Variants in CREB5 observed in about 807,000 individuals in gnomAD.
The protein encoded by CREB5 is cAMP responsive element binding protein 5.
CREB5 carries 19 observed loss-of-function variants against 57.1 expected under a neutral mutation model. The observed-to-expected ratio is 0.33, with a 90% CI of 0.23 to 0.49. CREB5 has a LOEUF of 0.49. Among genes scored for constraint, CREB5 ranks in the 20% least tolerant of loss-of-function variants. The pLI is 0.99. For synonymous variants in CREB5, 238 were observed against 238.3 expected (o/e 1.00, Z 0.01); for missense variants, 579 against 671.6 (o/e 0.86, Z 1.52).
chr7:28,783,686 G>A (rs144229096), intron 7 of CREB5, among the ~76,000 whole-genome samples: 34 of 152,222 alleles, frequency 2.2e-4, no homozygotes, highest in Non-Finnish European at 4.3e-4. Flanking sequence ...AGGGGCCTTG[G>A]GGGGAGACCT....
chr7:28,556,147 C>T (rs759526919), intron 4 of CREB5, among the ~76,000 whole-genome samples: 5 of 152,178 alleles, frequency 3.3e-5, no homozygotes, highest in Admixed American at 2.6e-4. Flanking sequence ...TCACTTTCCT[C>T]CTGCTCAGTA....
chr7:28,467,439 T>C (rs1790636291), intron 1 of CREB5, among the ~76,000 whole-genome samples: 1 of 152,180 alleles, frequency 6.6e-6, no homozygotes, highest in Non-Finnish European at 1.5e-5. Context: ...AAAGATGTAA[T>C]ACTTCACAGG....
chr7:28,386,250 A>G (rs918632898), intron 1 of CREB5, among the ~76,000 whole-genome samples: 1 of 152,124 alleles, frequency 6.6e-6, no homozygotes, highest in Non-Finnish European at 1.5e-5. Context: ...CTGGCAGTAA[A>G]TGGACTCAGT....
intron 5 of CREB5, among the ~76,000 whole-genome samples, chr7:28,583,086 G>A (rs17156874): frequency 0.13 from 20,452 of 152,086 alleles, 1,806 homozygotes; most frequent in East Asian, 0.32. Flanking sequence ...GGTGGGCAGG[G>A]CTCCCCATTT....
chr7:28,663,724 G>A (rs10243376), intron 5 of CREB5, among the ~76,000 whole-genome samples: 51,019 of 152,094 alleles, frequency 0.34, 8,908 homozygotes, highest in Middle Eastern at 0.47. Flanking sequence ...TAATGTTTGT[G>A]ATCTGTAATA....
chr7:28,530,515 C>T (rs1265967367), intron 4 of CREB5, among the ~76,000 whole-genome samples: 1 of 152,160 alleles, frequency 6.6e-6, no homozygotes, highest in Non-Finnish European at 1.5e-5. Context: ...CCATAAAAAG[C>T]TGCCTTTGGG....
At chr7:28,435,894 G>T (rs1347182727) in intron 1 of CREB5, among the ~76,000 whole-genome samples, 1 of 152,038 alleles carries the variant, frequency 6.6e-6, no homozygotes, top group East Asian at 1.9e-4. Context: ...ACCAGAAAGG[G>T]GTGAGTAATA....
intron 5 of CREB5, among the ~76,000 whole-genome samples, chr7:28,687,236 G>A (rs2128727851): frequency 6.6e-6 from 1 of 152,136 alleles, no homozygotes; most frequent in South Asian, 2.1e-4. Flanking sequence ...TTAATCCGGT[G>A]CTATCTTTAA....
chr7:28,432,229 C>A (rs1788746733), intron 1 of CREB5, among the ~76,000 whole-genome samples: 1 of 152,136 alleles, frequency 6.6e-6, no homozygotes, highest in African/African-American at 2.4e-5. Context: ...GCATCTGGAA[C>A]AAGGTCCTTG....
intron 1 of CREB5, among the ~76,000 whole-genome samples, chr7:28,353,193 G>A (rs1786269002): frequency 6.6e-6 from 1 of 152,160 alleles, no homozygotes; most frequent in Non-Finnish European, 1.5e-5. Flanking sequence ...AGGTTCAAGT[G>A]ATTGTCCTGC....
chr7:28,632,662 T>C (rs911866126), intron 5 of CREB5, among the ~76,000 whole-genome samples: 1 of 152,208 alleles, frequency 6.6e-6, no homozygotes, highest in Non-Finnish European at 1.5e-5. Flanking sequence ...ACTTAACTTA[T>C]GCTTAGTGTT....
At chr7:28,347,868 C>A (rs889782807) in intron 1 of CREB5, among the ~76,000 whole-genome samples, 2 of 152,158 alleles carry the variant, frequency 1.3e-5, no homozygotes, top group African/African-American at 4.8e-5. Context: ...GGAGCACATT[C>A]GAATTCCCTA....
At chr7:28,349,472 G>A (rs773583042) in intron 1 of CREB5, among the ~76,000 whole-genome samples, 1 of 151,848 alleles carries the variant, frequency 6.6e-6, no homozygotes, top group Non-Finnish European at 1.5e-5. Flanking sequence ...TGGGAAAAGG[G>A]AAAGAGGGGA....
At chr7:28,491,773 A>G (rs1369486687) in intron 2 of CREB5, among the ~76,000 whole-genome samples, 4 of 152,164 alleles carry the variant, frequency 2.6e-5, no homozygotes, top group African/African-American at 9.7e-5. Context: ...AGTCAAGCCA[A>G]TTGTTGTGGC....
intron 5 of CREB5, among the ~76,000 whole-genome samples, chr7:28,641,964 G>T (rs769252337): frequency 5.3e-5 from 8 of 152,194 alleles, no homozygotes; most frequent in Non-Finnish European, 1.0e-4. Flanking sequence ...GTGTGTGCAC[G>T]TGTTCCTGGG....
Position 28,523,371 on chromosome 7 carries a change from A to G in CREB5, c.291+15634A>G, listed in dbSNP as rs182665492. ...ACTCCCATTATGTTCTCCCAATTCAATCGAAAAACGTTTATTGAGGTCTTA... is the reference window on the plus strand; with the variant it reads ...ACTCCCATTATGTTCTCCCAATTCAGTCGAAAAACGTTTATTGAGGTCTTA... On this transcript the variant is annotated intron_variant, in intron 4 of 10. Coordinates refer to ENST00000357727, the MANE Select transcript of CREB5 (RefSeq NM_182898.4). 2.6e-5 allele frequency among the ~76,000 whole-genome samples: 4 copies of G among 152,270 alleles called. No homozygotes were observed. In the East Asian group the frequency reaches 5.8e-4, roughly 22 times the overall value.
intron 1 of CREB5, among the ~76,000 whole-genome samples, chr7:28,312,153 C>T (rs1434343773): frequency 1.3e-5 from 2 of 150,620 alleles, no homozygotes; most frequent in Non-Finnish European, 2.9e-5. Flanking sequence ...ATTTTAATTT[C>T]ATTTCATTTT....
At chr7:28,467,746 T>C (rs1268387347) in intron 1 of CREB5, among the ~76,000 whole-genome samples, 1 of 152,146 alleles carries the variant, frequency 6.6e-6, no homozygotes, top group Non-Finnish European at 1.5e-5. Context: ...ACCTCATGTC[T>C]ATATCAAGTG....
At chr7:28,525,247 T>C (rs1793398832) in intron 4 of CREB5, among the ~76,000 whole-genome samples, 1 of 152,218 alleles carries the variant, frequency 6.6e-6, no homozygotes, top group Admixed American at 6.5e-5. Context: ...TTTGATTGAT[T>C]CCATATCTTG....
Sources: allele counts gnomAD v4.1 joint callset (sites outside exome capture counted in the v4.1 genomes callset), GRCh38; gene constraint gnomAD v4.1.1; transcripts MANE v1.5; gene names NCBI Gene and HGNC (gene_info 2026-07-23, HGNC 2026-07-21).